SECISBP2: variants seen among roughly 807,000 people sequenced by gnomAD.
The protein encoded by SECISBP2 is SECIS binding protein 2.
A neutral mutation model predicts 98.2 loss-of-function variants in SECISBP2; 96 were observed. The observed-to-expected ratio is 0.98, with a 90% CI of 0.83 to 1.16. The LOEUF (loss-of-function observed/expected upper bound fraction) is 1.16, where lower values mean the gene tolerates loss of function less well. SECISBP2 is among the 50% of genes most tolerant of loss of function. The pLI is 0.00. For synonymous variants in SECISBP2, 407 were observed against 370.2 expected, an observed-to-expected ratio of 1.10 and a Z score of -1.14; for missense variants, 1,046 against 1,022.9, an observed-to-expected ratio of 1.02 and a Z score of -0.31.
At chr9:89,320,198 A>G (rs1457318733) in intron 2 of SECISBP2, among the ~76,000 whole-genome samples, 1 of 152,010 alleles carries the variant, frequency 6.6e-6, no homozygotes, top group African/African-American at 2.4e-5. Flanking sequence ...CTCCACAAAA[A>G]TACAAAAATT....
At chr9:89,347,571 C>G (rs1299709348) in intron 11 of SECISBP2, among the ~76,000 whole-genome samples, 5 of 151,470 alleles carry the variant, frequency 3.3e-5, no homozygotes, top group African/African-American at 7.3e-5. Context: ...CTCCACCTCC[C>G]GGGTTCAAGC....
intron 14 of SECISBP2, among the ~76,000 whole-genome samples, chr9:89,353,459 G>T (rs1292864384): frequency 6.6e-6 from 1 of 152,166 alleles, no homozygotes; most frequent in Non-Finnish European, 1.5e-5. Flanking sequence ...CCTGTGCTGT[G>T]CCTCACCAGA....
intron 2 of SECISBP2, among the ~76,000 whole-genome samples, chr9:89,321,656 ACTCT>A (rs553112676): frequency 2.0e-5 from 3 of 149,454 alleles, no homozygotes; most frequent in Admixed American, 6.7e-5. Flanking sequence ...ACAGAACAAG[ACTCT>A]CTCTCAAAAA....
chr9:89,346,704 A>G (rs574578573), intron 10 of SECISBP2, among the ~76,000 whole-genome samples, 178 bp from the exon 11 acceptor site: 20 of 136,830 alleles, frequency 1.5e-4, no homozygotes, highest in African/African-American at 4.7e-4. Flanking sequence ...ATTACTGCCA[A>G]TGAAAAGAAT....
intron 7 of SECISBP2, among the ~76,000 whole-genome samples, chr9:89,337,788 C>T (rs889486588): frequency 3.9e-5 from 6 of 152,326 alleles, no homozygotes; most frequent in African/African-American, 1.2e-4. Context: ...GCCGACAACA[C>T]GCAGACAGAT....
Position 89,357,583 on chromosome 9 carries a change from A to C in SECISBP2, c.2268+18A>C, listed in dbSNP as rs372197120. The C allele has an allele frequency of 3.1e-6, 5 of 1,612,300 alleles. No homozygotes were observed. Among genetic ancestry groups the C allele is most frequent in the African/African-American group, 1.3e-5 (1 of 74,684 alleles). On this transcript the variant is annotated intron_variant, in intron 15 of 16. Coordinates refer to ENST00000375807, the MANE Select transcript of SECISBP2 (RefSeq NM_024077.5). ...GGGCCCAGGTGAGTGCACAGGGCAC[A>C]GGCCTCTTCAGTCACTGCCCGTGGG... is the stretch of plus-strand genomic sequence containing the variant.
chr9:89,326,119 T>C, intron 4 of SECISBP2, 81 bp downstream of exon 4: 1 of 1,531,972 alleles, frequency 6.5e-7, no homozygotes, highest in Non-Finnish European at 8.9e-7. Context: ...TACAGCTGTT[T>C]CTATGGGCTT....
At chr9:89,321,736 G>A (rs1320261813) in intron 2 of SECISBP2, among the ~76,000 whole-genome samples, 1 of 151,968 alleles carries the variant, frequency 6.6e-6, no homozygotes, top group African/African-American at 2.4e-5. Context: ...AAGTATTCAC[G>A]CCTGGCAAGA....
intron 2 of SECISBP2, chr9:89,323,814 T>C (rs2131571867): frequency 1.3e-5 from 2 of 152,376 alleles, no homozygotes; most frequent in Middle Eastern, 3.4e-3. Context: ...GTGTTTGCAC[T>C]GGATGGAAAT....
At chr9:89,330,028 A>G (rs1191492433) in intron 5 of SECISBP2, 3 of 152,182 alleles carry the variant, frequency 2.0e-5, no homozygotes, top group African/African-American at 7.2e-5. Context: ...CATTTTCTTC[A>G]CCATCATTTC....
chr9:89,336,481 T>G (rs572480530), intron 7 of SECISBP2, among the ~76,000 whole-genome samples: 1 of 152,208 alleles, frequency 6.6e-6, no homozygotes, highest in East Asian at 1.9e-4. Flanking sequence ...AATGGTTTCC[T>G]GTCTTTTTGA....
chr9:89,366,046 T>TGGGCCCAGTGAAGCCCTGTTTC, the SECISBP2 span, among the ~76,000 whole-genome samples: 1 of 152,192 alleles, frequency 6.6e-6, no homozygotes, highest in Non-Finnish European at 1.5e-5. Flanking sequence ...GAGGCAAGGA[T>TGGGCCCAGTGAAGCCCTGTTTC]GGGCCCAGTG....
In SECISBP2 at chr9:89,321,667, A is replaced by C. The variant is rs576237413; in HGVS notation, c.182+1870A>C. Among the ~76,000 whole-genome samples the C allele has an allele frequency of 1.5e-4, 22 of 145,138 alleles. No homozygotes were observed. In the East Asian group the frequency reaches 2.3e-3, roughly 15 times the overall value. ...GGCAACAGAACAAGACTCTCTCTCAAAAAAAAAAAAATAGTTTTCTTAACT... is the reference window on the plus strand; with the variant it reads ...GGCAACAGAACAAGACTCTCTCTCACAAAAAAAAAAATAGTTTTCTTAACT... On this transcript the variant is annotated intron_variant, in intron 2 of 16. Coordinates refer to ENST00000375807, the MANE Select transcript of SECISBP2 (RefSeq NM_024077.5).
intron 12 of SECISBP2, among the ~76,000 whole-genome samples, chr9:89,349,093 G>A (rs1189092399): frequency 6.6e-6 from 1 of 152,242 alleles, no homozygotes; most frequent in African/African-American, 2.4e-5. Context: ...CCCCAGGGAG[G>A]CTGAGAGTTG....
intron 1 of SECISBP2, chr9:89,318,903 G>A: frequency 8.1e-7 from 1 of 1,237,178 alleles, no homozygotes; most frequent in Non-Finnish European, 1.0e-6. Context: ...TCGGGGCGGG[G>A]GGACTCTGGC....
At position 89,355,218 on chromosome 9, in the gene SECISBP2, A is replaced by G. The variant is rs918129831; in HGVS notation, c.2114-2193A>G. The G allele has an allele frequency of 5.1e-6, 5 of 985,322 alleles. No individual in the cohort carries two copies. The African/African-American group carries it at 7.0e-5, about 14-fold the overall frequency. The allele number at this position is 985,322 out of a possible 1,614,324, so 61.0% of individuals were successfully genotyped here. On this transcript the variant is annotated intron_variant, in intron 14 of 16. Coordinates refer to ENST00000375807, the MANE Select transcript of SECISBP2 (RefSeq NM_024077.5). The stretch of plus-strand genomic sequence containing the variant: ...ATGTAAGTAGATTCCAGGTGATACT[A>G]TGCTAATTGTAAACAGTTGTTGTTT...
chr9:89,318,542 GCCTCCGTGACGCGGCCT>G lies in SECISBP2; in HGVS notation c.-28_-12del. 4 of 1,511,926 alleles carry G rather than the reference GCCTCCGTGACGCGGCCT, an allele frequency of 2.6e-6. No individual in the cohort carries two copies. Among genetic ancestry groups the G allele is most frequent in the Non-Finnish European group, 3.5e-6 (4 of 1,135,702 alleles). The allele number at this position is 1,511,926 out of a possible 1,614,324, so 93.7% of individuals were successfully genotyped here. ...CCGGCAAGCCGACGGCCCGCTGCTG[GCCTCCGTGACGCGGCCT>G]CCTCCGCGCCTCGCGGCATGGCGTC... On this transcript the variant is annotated 5_prime_UTR_variant, in exon 1 of 17. Transcript: ENST00000375807.
chr9:89,336,620 G>A (rs1199692372), intron 7 of SECISBP2, among the ~76,000 whole-genome samples: 1 of 151,576 alleles, frequency 6.6e-6, no homozygotes, highest in Non-Finnish European at 1.5e-5. Context: ...CTCTGTGCAT[G>A]TATTTGAGAG....
chr9:89,362,251 C>G, downstream of SECISBP2: 1 of 1,335,314 alleles, frequency 7.5e-7, no homozygotes, highest in Non-Finnish European at 1.1e-6. Flanking sequence ...CTCTGCCCAT[C>G]AGGTGGTGGC....
Sources: gnomAD v4.1 joint callset for allele counts (sites outside exome capture counted in the v4.1 genomes callset) on GRCh38, gnomAD v4.1.1 for gene constraint, MANE v1.5 for transcripts, NCBI Gene and HGNC (gene_info 2026-07-23, HGNC 2026-07-21) for gene names.